Variants in GRM7 observed in about 807,000 individuals in gnomAD.
GRM7 encodes glutamate metabotropic receptor 7.
A neutral mutation model predicts 84.5 loss-of-function variants in GRM7; 35 were observed. That is an observed-to-expected ratio of 0.41 (90% CI 0.32 to 0.55). The LOEUF (loss-of-function observed/expected upper bound fraction) is 0.55. GRM7 is among the 20% of genes least tolerant of loss of function. The pLI, the probability that GRM7 is intolerant of heterozygous loss-of-function variation, is 0.19. For synonymous variants in GRM7, 487 were observed against 455.1 expected, an observed-to-expected ratio of 1.07 and a Z score of -0.89; for missense variants, 1,003 against 1,194.6, an observed-to-expected ratio of 0.84 and a Z score of 2.36.
At chr3:7,636,445 A>T (rs533707706) in intron 8 of GRM7, 182 of 357,314 alleles carry the variant, frequency 5.1e-4, no homozygotes, top group Admixed American at 2.8e-3. Context: ...TTACAAGAAC[A>T]TCGGTTGAGA....
chr3:7,528,446 T>G (rs934054774), intron 7 of GRM7, among the ~76,000 whole-genome samples: 1 of 152,014 alleles, frequency 6.6e-6, no homozygotes, highest in African/African-American at 2.4e-5. Context: ...TCTATTGATA[T>G]TGCTTACACT....
intron 1 of GRM7, among the ~76,000 whole-genome samples, chr3:6,959,920 T>C (rs947946594): frequency 1.3e-5 from 2 of 152,178 alleles, no homozygotes; most frequent in African/African-American, 4.8e-5. Flanking sequence ...TCTCTTGGAC[T>C]CTTATCTGAA....
intron 7 of GRM7, among the ~76,000 whole-genome samples, chr3:7,477,947 A>G (rs1376982926): frequency 6.6e-6 from 1 of 152,158 alleles, no homozygotes; most frequent in Non-Finnish European, 1.5e-5. Flanking sequence ...TTTGTCCTTA[A>G]TCATGATCCA....
chr3:7,243,651 T>C (rs1397462681), intron 2 of GRM7, among the ~76,000 whole-genome samples: 3 of 152,142 alleles, frequency 2.0e-5, no homozygotes, highest in Admixed American at 6.6e-5. Context: ...GCTCTACCTT[T>C]GTGTCAGTGT....
rs1192448418 is a variant in GRM7 at position 7,461,769 on chromosome 3, A to C, written c.1515+47A>C. 24 of 1,571,698 alleles carry C rather than the reference A, an allele frequency of 1.5e-5. 1 individual carries two copies. The Admixed American group carries it at 3.9e-4, about 25-fold the overall frequency. On this transcript the variant is annotated intron_variant, in intron 7 of 9. Coordinates refer to ENST00000357716, the MANE Select transcript of GRM7 (RefSeq NM_000844.4). The stretch of plus-strand genomic sequence containing the variant: ...TCTTCCCTTGTTGAGATGAATGAAC[A>C]GACTTTTAATTTGCTCAGTTATACA...
chr3:7,001,529 G>A (rs1402937727), intron 1 of GRM7, among the ~76,000 whole-genome samples: 1 of 152,068 alleles, frequency 6.6e-6, no homozygotes, highest in Non-Finnish European at 1.5e-5. Flanking sequence ...TTGTAAACTG[G>A]CAAATAAGCT....
At chr3:7,322,875 T>G (rs1700840039) in intron 4 of GRM7, among the ~76,000 whole-genome samples, 1 of 152,104 alleles carries the variant, frequency 6.6e-6, no homozygotes, top group Non-Finnish European at 1.5e-5. Context: ...GGGGAAGTAC[T>G]GAAAGTGGCG....
chr3:7,734,826 ACTG>A (rs1199530940), intron 9 of GRM7, among the ~76,000 whole-genome samples: 2 of 152,210 alleles, frequency 1.3e-5, no homozygotes, highest in African/African-American at 4.8e-5. Context: ...AATGTGCTAA[ACTG>A]AGTAGTAAAT....
intron 4 of GRM7, among the ~76,000 whole-genome samples, chr3:7,392,251 C>T (rs989493885): frequency 1.3e-5 from 2 of 152,184 alleles, no homozygotes; most frequent in Non-Finnish European, 2.9e-5. Context: ...GGTCCCAAAG[C>T]TGTCTCTGGC....
At chr3:6,951,176 C>T (rs1692743716) in intron 1 of GRM7, among the ~76,000 whole-genome samples, 1 of 152,222 alleles carries the variant, frequency 6.6e-6, no homozygotes, top group Non-Finnish European at 1.5e-5. Context: ...ATTCGGCCAT[C>T]TTGGCTCCAC....
At chr3:7,568,922 GC>G (rs922410712) in intron 7 of GRM7, among the ~76,000 whole-genome samples, 1 of 151,990 alleles carries the variant, frequency 6.6e-6, no homozygotes, top group African/African-American at 2.4e-5. Flanking sequence ...GACGAGCGCC[GC>G]CCCCTGCTCC....
At chr3:7,012,414 A>T (rs1001427380) in intron 1 of GRM7, among the ~76,000 whole-genome samples, 2 of 152,242 alleles carry the variant, frequency 1.3e-5, no homozygotes, top group African/African-American at 4.8e-5. Context: ...AGAAAATAGT[A>T]TTCAATGAAA....
chr3:6,905,182 A>C (rs983541071), intron 1 of GRM7, among the ~76,000 whole-genome samples: 1 of 152,212 alleles, frequency 6.6e-6, no homozygotes, highest in Admixed American at 6.5e-5. Flanking sequence ...AATTGCATTT[A>C]ACTTATAGAT....
chr3:7,175,986 A>G (rs909200343), intron 2 of GRM7, among the ~76,000 whole-genome samples: 1 of 152,146 alleles, frequency 6.6e-6, no homozygotes, highest in African/African-American at 2.4e-5. Flanking sequence ...TGTAAATGTT[A>G]AAGAGCTCAT....
At chr3:7,715,995 C>A (rs1701759624) in intron 9 of GRM7, among the ~76,000 whole-genome samples, 1 of 152,132 alleles carries the variant, frequency 6.6e-6, no homozygotes, top group African/African-American at 2.4e-5. Flanking sequence ...GTGTTATTCT[C>A]ACCCCCTTCT....
chr3:7,634,878 T>G (rs1170514053), intron 8 of GRM7, among the ~76,000 whole-genome samples: 1 of 152,142 alleles, frequency 6.6e-6, no homozygotes, highest in African/African-American at 2.4e-5. Context: ...TTTGAATATT[T>G]TACCCACAAA....
chr3:7,713,136 T>TG (rs1334523395), intron 9 of GRM7, among the ~76,000 whole-genome samples: 9 of 83,898 alleles, frequency 1.1e-4, no homozygotes, highest in African/African-American at 3.6e-4. Flanking sequence ...TTTTTTTTTT[T>TG]TTTTTTTTTT....
intron 2 of GRM7, among the ~76,000 whole-genome samples, chr3:7,294,863 A>G (rs1277700022): frequency 6.6e-6 from 1 of 152,202 alleles, no homozygotes; most frequent in Non-Finnish European, 1.5e-5. Flanking sequence ...TTTCTGTTTG[A>G]AAGTTTGTGT....
intron 5 of GRM7, among the ~76,000 whole-genome samples, chr3:7,444,846 T>C (rs1697438814): frequency 6.6e-6 from 1 of 152,220 alleles, no homozygotes; most frequent in African/African-American, 2.4e-5. Context: ...TGAAAAATGC[T>C]TAGAAATAAT....
Sources: allele counts gnomAD v4.1 joint callset (sites outside exome capture counted in the v4.1 genomes callset), GRCh38; gene constraint gnomAD v4.1.1; transcripts MANE v1.5; gene names NCBI Gene and HGNC (gene_info 2026-07-23, HGNC 2026-07-21).